SH3BGR: variants seen among roughly 807,000 people sequenced by gnomAD.
SH3BGR encodes SH3 domain-binding glutamic acid-rich protein.
A neutral mutation model predicts 24.5 loss-of-function variants in SH3BGR; 29 were observed. The ratio of observed to expected loss-of-function variants is 1.18; its 90% CI spans 0.88 to 1.61. The LOEUF is 1.61. Among genes scored for constraint, SH3BGR ranks in the 40% most tolerant of loss-of-function variants. SH3BGR has a pLI of 0.00. For synonymous variants in SH3BGR, 55 were observed against 65.7 expected, an observed-to-expected ratio of 0.84 and a Z score of 0.79; for missense variants, 162 against 205.8, an observed-to-expected ratio of 0.79 and a Z score of 1.30.
upstream of SH3BGR, among the ~76,000 whole-genome samples, chr21:39,450,055 C>T (rs1388003737): frequency 6.7e-6 from 1 of 150,016 alleles, no homozygotes; most frequent in Non-Finnish European, 1.5e-5. Context: ...ATGCTACTAA[C>T]TTACAAAGTC....
At chr21:39,509,125 AAG>A (rs1424346059) in intron 5 of SH3BGR, 98 bp downstream of exon 5, 2 of 943,658 alleles carry the variant, frequency 2.1e-6, no homozygotes, top group African/African-American at 3.3e-5. Flanking sequence ...TTAATAACAT[AAG>A]AGAGCGATGC....
chr21:39,448,813 T>C (rs978414521), upstream of SH3BGR, among the ~76,000 whole-genome samples: 6 of 152,172 alleles, frequency 3.9e-5, no homozygotes, highest in African/African-American at 1.4e-4. Context: ...CCAACACAAC[T>C]TCAGCTGGAA....
upstream of SH3BGR, among the ~76,000 whole-genome samples, chr21:39,450,404 A>G (rs2077559879): frequency 6.6e-6 from 1 of 152,226 alleles, no homozygotes; most frequent in Non-Finnish European, 1.5e-5. Flanking sequence ...GCGATATTCC[A>G]GGAACTGGGA....
chr21:39,448,207 T>C (rs2077533145), upstream of SH3BGR, among the ~76,000 whole-genome samples: 1 of 152,216 alleles, frequency 6.6e-6, no homozygotes, highest in Admixed American at 6.5e-5. Flanking sequence ...TGATTACATC[T>C]GTAAAGACTC....
chr21:39,479,224 G>GGGTGGTGGT (rs973677506), intron 3 of SH3BGR, among the ~76,000 whole-genome samples: 22 of 137,684 alleles, frequency 1.6e-4, no homozygotes, highest in Middle Eastern at 3.7e-3. Flanking sequence ...GAGGTGGTAA[G>GGGTGGTGGT]GGTGGTGGTG....
At chr21:39,491,518 CT>C in intron 3 of SH3BGR, 1 of 239,930 alleles carries the variant, frequency 4.2e-6, no homozygotes, top group South Asian at 6.2e-5. Context: ...AATAGTTTTT[CT>C]TCAGTCTTCT....
At chr21:39,507,232 A>G (rs2078598670) in intron 4 of SH3BGR, among the ~76,000 whole-genome samples, 1 of 152,218 alleles carries the variant, frequency 6.6e-6, no homozygotes, top group South Asian at 2.1e-4. Flanking sequence ...TGCCCGTCTC[A>G]GAAATAGGAA....
chr21:39,470,533 A>C (rs1191669919), intron 2 of SH3BGR, among the ~76,000 whole-genome samples: 1 of 152,222 alleles, frequency 6.6e-6, no homozygotes, highest in Non-Finnish European at 1.5e-5. Flanking sequence ...AAGTGCTGGG[A>C]TGACAGATGT....
chr21:39,488,994 A>G (rs374120430), intron 3 of SH3BGR, among the ~76,000 whole-genome samples: 11 of 152,242 alleles, frequency 7.2e-5, no homozygotes, highest in African/African-American at 2.4e-4. Flanking sequence ...CAAAAACTAC[A>G]AGATGAGCAA....
chr21:39,474,735 A>G (rs149595090), intron 2 of SH3BGR, among the ~76,000 whole-genome samples: 1,119 of 152,202 alleles, frequency 7.4e-3, no homozygotes, highest in Middle Eastern at 0.017. Flanking sequence ...TACTTTAATC[A>G]CAGTATGGAC....
At chr21:39,453,818 T>A (rs554707589) in intron 1 of SH3BGR, among the ~76,000 whole-genome samples, 1 of 152,332 alleles carries the variant, frequency 6.6e-6, no homozygotes, top group African/African-American at 2.4e-5. Context: ...TGAGGACTGA[T>A]GAAATGATGT....
At chr21:39,479,247 GTGGTGGTGGTGATGGTAGTGC>G (rs1335178145) in intron 3 of SH3BGR, among the ~76,000 whole-genome samples, 93 of 149,704 alleles carry the variant, frequency 6.2e-4, no homozygotes, top group Non-Finnish European at 1.0e-4. Flanking sequence ...GGTGGTGGTG[GTGGTGGTGGTGATGGTAGTGC>G]TGGTGGTGAT....
chr21:39,500,023 A>G (rs1016406969), intron 4 of SH3BGR, 108 bp downstream of exon 4: 3 of 770,072 alleles, frequency 3.9e-6, no homozygotes, highest in African/African-American at 3.5e-5. Context: ...AAAGAGGGCA[A>G]GGAGCTGAGA....
At chr21:39,468,234 A>T (rs1013859358) in intron 2 of SH3BGR, among the ~76,000 whole-genome samples, 1 of 152,194 alleles carries the variant, frequency 6.6e-6, no homozygotes, top group Admixed American at 6.5e-5. Flanking sequence ...CAACATATCG[A>T]TGTTACTGAA....
chr21:39,455,660 C>T (rs2077642873), intron 1 of SH3BGR, among the ~76,000 whole-genome samples: 1 of 152,174 alleles, frequency 6.6e-6, no homozygotes, highest in Admixed American at 6.5e-5. Context: ...AGAGCCGGGG[C>T]ACAGGGGTGC....
chr21:39,513,187 G>T (rs762547436), intron 6 of SH3BGR, among the ~76,000 whole-genome samples: 1 of 152,120 alleles, frequency 6.6e-6, no homozygotes, highest in African/African-American at 2.4e-5. Flanking sequence ...GTCAGTAGAA[G>T]TTTAAAATTA....
chr21:39,499,330 G>A (rs547067045), intron 3 of SH3BGR, among the ~76,000 whole-genome samples: 22 of 143,740 alleles, frequency 1.5e-4, no homozygotes, highest in South Asian at 1.5e-3. Context: ...CCATTCCTCC[G>A]TCTGTCTGTC....
chr21:39,488,689 A>G (rs910676059), intron 3 of SH3BGR: 3 of 426,922 alleles, frequency 7.0e-6, no homozygotes, highest in Admixed American at 2.5e-5. Context: ...AGTCCTTGTC[A>G]TACTGGGTGG....
At chr21:39,447,025 A>G (rs572379002), upstream of SH3BGR, 41 of 152,140 alleles carry the variant, frequency 2.7e-4, no homozygotes, top group African/African-American at 9.9e-4. Flanking sequence ...CTAGAAATGC[A>G]TGACCCACCC....
Sources: gnomAD v4.1 joint callset for allele counts (sites outside exome capture counted in the v4.1 genomes callset) on GRCh38, gnomAD v4.1.1 for gene constraint, MANE v1.5 for transcripts, NCBI Gene and HGNC (gene_info 2026-07-23, HGNC 2026-07-21) for gene names.